Variants in ARHGAP15 observed in about 807,000 individuals in gnomAD.
ARHGAP15 encodes the protein Rho GTPase activating protein 15.
A neutral mutation model predicts 63.7 loss-of-function variants in ARHGAP15; 51 were observed. The ratio of observed to expected loss-of-function variants is 0.80; its 90% CI spans 0.64 to 1.01. The LOEUF is 1.01. ARHGAP15 is among the 50% of genes least tolerant of loss of function. The pLI, the probability that ARHGAP15 is intolerant of heterozygous loss-of-function variation, is 0.00. For missense variants in ARHGAP15, 560 were observed against 564.6 expected (o/e 0.99, Z 0.08); for synonymous variants, 191 against 193.8 (o/e 0.99, Z 0.12).
At chr2:143,224,683 T>C (rs1693135611) in intron 4 of ARHGAP15, among the ~76,000 whole-genome samples, 1 of 152,212 alleles carries the variant, frequency 6.6e-6, no homozygotes, top group Non-Finnish European at 1.5e-5. Context: ...GTGATTTGGT[T>C]GCGTATAGAA....
chr2:143,765,109 ATGTGTGTGTGTGTGTGTG>A (rs60894627), intron 13 of ARHGAP15, among the ~76,000 whole-genome samples: 1 of 147,518 alleles, frequency 6.8e-6, no homozygotes, highest in Admixed American at 6.8e-5. Flanking sequence ...CCTCTAAAAT[ATGTGTGTGTGTGTGTGTG>A]TGTGTGTGTG....
intron 12 of ARHGAP15, among the ~76,000 whole-genome samples, chr2:143,681,079 G>A (rs555640159): frequency 1.4e-4 from 22 of 152,292 alleles, no homozygotes; most frequent in East Asian, 1.3e-3. Context: ...CCTTTCGAAG[G>A]AGCAAATGGG....
chr2:143,314,251 A>AT (rs1339926406), intron 6 of ARHGAP15, among the ~76,000 whole-genome samples: 1 of 152,192 alleles, frequency 6.6e-6, no homozygotes, highest in Non-Finnish European at 1.5e-5. Flanking sequence ...ACATACGTGA[A>AT]TTTTATTTTA....
At chr2:143,351,785 C>T (rs753527382) in intron 6 of ARHGAP15, among the ~76,000 whole-genome samples, 12 of 152,104 alleles carry the variant, frequency 7.9e-5, no homozygotes, top group Non-Finnish European at 1.6e-4. Flanking sequence ...AAATGAACTA[C>T]TCTGGTACCC....
At chr2:143,297,970 C>T (rs901994785) in intron 6 of ARHGAP15, among the ~76,000 whole-genome samples, 2 of 151,984 alleles carry the variant, frequency 1.3e-5, no homozygotes, top group African/African-American at 2.4e-5. Context: ...ACCTTTAGCT[C>T]GGCCCATTCC....
chr2:143,441,749 G>A (rs1689894208), intron 8 of ARHGAP15, among the ~76,000 whole-genome samples: 1 of 152,124 alleles, frequency 6.6e-6, no homozygotes, highest in Non-Finnish European at 1.5e-5. Flanking sequence ...ATGAACATGA[G>A]TTAGAAGACT....
At chr2:143,402,321 T>C (rs1320683635) in intron 6 of ARHGAP15, among the ~76,000 whole-genome samples, 1 of 151,910 alleles carries the variant, frequency 6.6e-6, no homozygotes, top group Non-Finnish European at 1.5e-5. Context: ...AGTCAGGCCA[T>C]GTAGGATTAA....
chr2:143,618,722 A>G (rs1398937124), intron 11 of ARHGAP15, among the ~76,000 whole-genome samples: 1 of 152,234 alleles, frequency 6.6e-6, no homozygotes, highest in Non-Finnish European at 1.5e-5. Flanking sequence ...AAAAAAGACT[A>G]GGTTAAAACA....
At chr2:143,318,509 CTTTTTTTTTTTTTTT>C (rs535910161) in intron 6 of ARHGAP15, among the ~76,000 whole-genome samples, 1 of 55,636 alleles carries the variant, frequency 1.8e-5, no homozygotes, top group African/African-American at 6.8e-5. Flanking sequence ...GATTAAGGGC[CTTTTTTTTTTTTTTT>C]TTTTTTTTTT....
intron 11 of ARHGAP15, among the ~76,000 whole-genome samples, chr2:143,604,399 C>T (rs1186687339): frequency 6.6e-6 from 1 of 152,184 alleles, no homozygotes; most frequent in Non-Finnish European, 1.5e-5. Flanking sequence ...GGAGTCGTCA[C>T]AATTATTCTA....
intron 5 of ARHGAP15, among the ~76,000 whole-genome samples, chr2:143,233,374 G>T (rs1693522290): frequency 6.6e-6 from 1 of 151,590 alleles, no homozygotes; most frequent in Non-Finnish European, 1.5e-5. Flanking sequence ...TTTGAATATA[G>T]AATTTTTAGT....
intron 6 of ARHGAP15, among the ~76,000 whole-genome samples, chr2:143,283,261 A>G (rs943187898): frequency 1.3e-5 from 2 of 152,150 alleles, no homozygotes; most frequent in African/African-American, 4.8e-5. Context: ...GCTTTCCTCA[A>G]TGTACACACT....
intron 11 of ARHGAP15, among the ~76,000 whole-genome samples, chr2:143,622,422 T>C (rs1297785635): frequency 6.6e-6 from 1 of 152,196 alleles, no homozygotes; most frequent in African/African-American, 2.4e-5. Context: ...AACCCCGTTC[T>C]TTAAAGTGAC....
At chr2:143,540,159 T>G (rs1008622892) in intron 10 of ARHGAP15, among the ~76,000 whole-genome samples, 3 of 152,186 alleles carry the variant, frequency 2.0e-5, no homozygotes, top group Non-Finnish European at 4.4e-5. Context: ...TCTTTTGATC[T>G]TTGTTGGTTT....
intron 9 of ARHGAP15, among the ~76,000 whole-genome samples, chr2:143,502,156 C>T (rs1341874937): frequency 2.0e-5 from 3 of 152,118 alleles, no homozygotes; most frequent in East Asian, 1.9e-4. Context: ...CACCAGTAAT[C>T]CCAGCATTTT....
At chr2:143,658,384 C>G (rs191170355) in intron 12 of ARHGAP15, among the ~76,000 whole-genome samples, 6 of 152,300 alleles carry the variant, frequency 3.9e-5, no homozygotes, top group Admixed American at 2.0e-4. Context: ...ATGTTCATAT[C>G]TTGTATCTCA....
intron 6 of ARHGAP15, among the ~76,000 whole-genome samples, chr2:143,332,381 T>A (rs1174132291): frequency 6.6e-6 from 1 of 152,160 alleles, no homozygotes; most frequent in Non-Finnish European, 1.5e-5. Flanking sequence ...CTCATATTTT[T>A]AAAAAATGCT....
intron 1 of ARHGAP15, among the ~76,000 whole-genome samples, chr2:143,142,773 A>T (rs1022119883): frequency 2.0e-5 from 3 of 152,182 alleles, no homozygotes; most frequent in Middle Eastern, 3.4e-3. Flanking sequence ...AGTGCACAAG[A>T]TGGGGAAATG....
chr2:143,747,493 GTTT>G (rs1462407125), intron 13 of ARHGAP15, among the ~76,000 whole-genome samples: 3 of 152,240 alleles, frequency 2.0e-5, no homozygotes, highest in East Asian at 3.9e-4. Context: ...TCAGAGAATA[GTTT>G]TTTACTACCC....
Sources: allele counts gnomAD v4.1 joint callset (sites outside exome capture counted in the v4.1 genomes callset), GRCh38; gene constraint gnomAD v4.1.1; transcripts MANE v1.5; gene names NCBI Gene and HGNC (gene_info 2026-07-23, HGNC 2026-07-21).